KDM5B: variants seen among roughly 807,000 people sequenced by gnomAD.
KDM5B encodes the protein lysine demethylase 5B, also known as lysine-specific demethylase 5B.
A neutral mutation model predicts 193.4 loss-of-function variants in KDM5B; 144 were observed. That is an observed-to-expected ratio of 0.74 (90% CI 0.65 to 0.86). The LOEUF is 0.86. Among genes scored for constraint, KDM5B ranks in the 40% least tolerant of loss-of-function variants. KDM5B has a pLI of 0.00. For missense variants in KDM5B, 1,833 were observed against 1,886.9 expected, an observed-to-expected ratio of 0.97 and a Z score of 0.53; for synonymous variants, 668 against 682.6, an observed-to-expected ratio of 0.98 and a Z score of 0.33.
At position 202,742,727 on chromosome 1, in the gene KDM5B, C is replaced by A; in HGVS notation, c.2402G>T (p.Arg801Leu). The A allele has an allele frequency of 6.2e-7, 1 of 1,614,078 alleles. No homozygotes were observed. The highest frequency in any genetic ancestry group is 8.5e-7 in the Non-Finnish European group (1 of 1,179,998). The change falls in exon 17 of 27, where the codon CGC becomes CTC. Residue 801 changes from arginine (R) to leucine (L), a missense_variant. By Grantham distance (102) the Arg-to-Leu change is moderately radical (BLOSUM62 -2). Coordinates refer to ENST00000367265, the MANE Select transcript of KDM5B (RefSeq NM_006618.5). The part of the protein sequence containing the change: ...FPDNDLLRHL[R>L]LVTQDAEKCA... Reference sequence around the variant, plus strand: ...CTTCTCTGCATCCTGTGTGACTAGGCGAAGGTGTCGCAAAAGATCATTGTC... The same window carrying A: ...CTTCTCTGCATCCTGTGTGACTAGGAGAAGGTGTCGCAAAAGATCATTGTC...
chr1:202,796,288 C>T, intron 1 of KDM5B: 2 of 416,338 alleles, frequency 4.8e-6, no homozygotes, highest in Non-Finnish European at 9.7e-6. Flanking sequence ...ACCAAATGGT[C>T]CCCGCTGTGC....
chr1:202,740,209 G>A (rs1294534506), intron 20 of KDM5B, among the ~76,000 whole-genome samples: 5 of 149,184 alleles, frequency 3.4e-5, no homozygotes, highest in East Asian at 2.0e-4. Flanking sequence ...CCTCCCGGAC[G>A]GGGCGGCTGG....
intron 1 of KDM5B, among the ~76,000 whole-genome samples, chr1:202,780,729 A>T (rs1392242775): frequency 6.6e-6 from 1 of 151,990 alleles, no homozygotes; most frequent in Non-Finnish European, 1.5e-5. Context: ...ATGAGTAAAA[A>T]ACTAGAACAA....
intron 1 of KDM5B, among the ~76,000 whole-genome samples, chr1:202,784,380 C>T (rs1284138728): frequency 1.3e-5 from 2 of 152,100 alleles, no homozygotes; most frequent in Admixed American, 6.6e-5. Flanking sequence ...CAACTAAGGA[C>T]CAAAGCATTG....
At chr1:202,756,911 T>TAG (rs1160046592) in intron 9 of KDM5B, among the ~76,000 whole-genome samples, 1 of 152,240 alleles carries the variant, frequency 6.6e-6, no homozygotes, top group Non-Finnish European at 1.5e-5. Context: ...TTCAAATACA[T>TAG]TACCTGAGTC....
intron 7 of KDM5B, 121 bp downstream of exon 7, chr1:202,762,578 A>G (rs953752565): frequency 4.4e-6 from 3 of 682,900 alleles, no homozygotes; most frequent in African/African-American, 1.8e-5. Flanking sequence ...GTCAGACACT[A>G]AGTTAAACAA....
chr1:202,803,120 C>T (rs551508688), intron 1 of KDM5B, among the ~76,000 whole-genome samples: 131 of 152,052 alleles, frequency 8.6e-4, no homozygotes, highest in Non-Finnish European at 1.5e-3. Context: ...TTGATTGCAA[C>T]ACTGCATGCC....
intron 16 of KDM5B, among the ~76,000 whole-genome samples, chr1:202,744,689 A>G (rs1655481626): frequency 6.6e-6 from 1 of 152,190 alleles, no homozygotes; most frequent in Non-Finnish European, 1.5e-5. Context: ...ACGCATATAC[A>G]CTGTTGGTAG....
intron 8 of KDM5B, 76 bp from the exon 9 acceptor site, chr1:202,758,586 A>G: frequency 7.9e-7 from 1 of 1,260,408 alleles, no homozygotes; most frequent in South Asian, 1.8e-5. Flanking sequence ...AAGCTGGCAG[A>G]TAAAAAACAA....
chr1:202,776,574 AT>A (rs770481622), intron 2 of KDM5B, among the ~76,000 whole-genome samples: 1 of 152,058 alleles, frequency 6.6e-6, no homozygotes. Flanking sequence ...TATATATAAA[AT>A]ACAGGGTCTT....
intron 1 of KDM5B, among the ~76,000 whole-genome samples, chr1:202,803,002 GT>G (rs1558523424): frequency 6.6e-6 from 1 of 152,088 alleles, no homozygotes; most frequent in East Asian, 1.9e-4. Flanking sequence ...GAAGCCAGGA[GT>G]TCAAGACCAG....
At position 202,729,663 on chromosome 1, in the gene KDM5B, G is replaced by A. The variant is rs1361177393; in HGVS notation, c.4497+44C>T. Reference sequence around the variant, plus strand: ...ATGAGGTCTAGCTTACAGGGTTTCTGAGTTAAGGGAAAGCACGTCCTCTAT... The same window carrying A: ...ATGAGGTCTAGCTTACAGGGTTTCTAAGTTAAGGGAAAGCACGTCCTCTAT... On this transcript the variant is annotated intron_variant, in intron 26 of 26. Coordinates refer to ENST00000367265, the MANE Select transcript of KDM5B (RefSeq NM_006618.5). 3 of 1,546,008 alleles carry A rather than the reference G, an allele frequency of 1.9e-6. No individual in the cohort carries two copies. In the South Asian group the frequency reaches 3.6e-5, roughly 19 times the overall value.
chr1:202,731,085 C>A lies in KDM5B; in HGVS notation c.4022-22G>T, dbSNP rs377707568. ...ACACCTGTAAAAGACCAGACCAAAT[C>A]AAAATGATAACAACAAAGGGTGTTT... is the stretch of plus-strand genomic sequence containing the variant. On this transcript the variant is annotated intron_variant, in intron 24 of 26. Transcript: ENST00000367265. 3.8e-6 allele frequency: 6 copies of A among 1,569,202 alleles called. No homozygotes were observed. In the African/African-American group the frequency reaches 4.1e-5, roughly 11 times the overall value.
chr1:202,778,047 C>T (rs922008982), intron 1 of KDM5B, among the ~76,000 whole-genome samples: 5 of 151,812 alleles, frequency 3.3e-5, no homozygotes, highest in South Asian at 2.1e-4. Flanking sequence ...GGGTGGCAGG[C>T]GCCTGTAGTC....
In KDM5B at chr1:202,767,451, G is replaced by A. The variant is rs556435273; in HGVS notation, c.577-391C>T. On this transcript the variant is annotated intron_variant, in intron 4 of 26. Coordinates refer to ENST00000367265, the MANE Select transcript of KDM5B (RefSeq NM_006618.5). ...TGCTGGAAGCTCTGCGAAAGGTGCA[G>A]AGACCGAGGAAGGATGAAATGGCGG... The A allele has an allele frequency of 3.4e-5, 41 of 1,223,726 alleles. 1 individual carries two copies. Among genetic ancestry groups the A allele is most frequent in the Middle Eastern group, 2.7e-4 (1 of 3,682 alleles). 75.8% of individuals were successfully genotyped at this position (1,223,726 alleles called of 1,614,324 possible).
intron 4 of KDM5B, among the ~76,000 whole-genome samples, chr1:202,771,727 A>G (rs560641861): frequency 2.0e-5 from 3 of 152,050 alleles, no homozygotes; most frequent in Admixed American, 2.0e-4. Flanking sequence ...GACTACAGGC[A>G]CGCACCACCA....
At chr1:202,738,116 A>AT (rs1655164898) in intron 20 of KDM5B, among the ~76,000 whole-genome samples, 2 of 152,232 alleles carry the variant, frequency 1.3e-5, no homozygotes. Flanking sequence ...CATGTGTAGC[A>AT]GTCCTTAAAT....
At chr1:202,753,905 G>A (rs1169224070) in intron 11 of KDM5B, among the ~76,000 whole-genome samples, 2 of 151,876 alleles carry the variant, frequency 1.3e-5, no homozygotes, top group African/African-American at 2.4e-5. Flanking sequence ...CTGACCTCAG[G>A]TGAACCGCCC....
At chr1:202,778,996 A>G (rs542858076) in intron 1 of KDM5B, among the ~76,000 whole-genome samples, 4 of 152,312 alleles carry the variant, frequency 2.6e-5, no homozygotes, top group Admixed American at 2.6e-4. Context: ...CAGGCTTTAC[A>G]GTAGAAAAAT....
Sources: gnomAD v4.1 joint callset for allele counts (sites outside exome capture counted in the v4.1 genomes callset) on GRCh38, gnomAD v4.1.1 for gene constraint, MANE v1.5 for transcripts, NCBI Gene and HGNC (gene_info 2026-07-23, HGNC 2026-07-21) for gene names.